KIAA0753: variants seen among roughly 807,000 people sequenced by gnomAD.
The protein encoded by KIAA0753 is protein moonraker.
In KIAA0753, 114 loss-of-function variants were observed where a neutral mutation model predicts 116.9. The observed-to-expected ratio is 0.98, with a 90% CI of 0.84 to 1.14. KIAA0753 has a LOEUF of 1.14. Ranked by LOEUF, KIAA0753 falls within the 50% of genes most tolerant of loss-of-function variation. The pLI, the probability that KIAA0753 is intolerant of heterozygous loss-of-function variation, is 0.00. For missense variants in KIAA0753, 1,156 were observed against 1,172.4 expected (o/e 0.99, Z 0.20); for synonymous variants, 405 against 413.1 (o/e 0.98, Z 0.24).
In KIAA0753 at chr17:6,612,154, T is replaced by G. The variant is rs772595463; in HGVS notation, c.1316-6A>C. The G allele has an allele frequency of 3.4e-5, 54 of 1,592,128 alleles. No individual in the cohort carries two copies. In the Middle Eastern group the frequency reaches 1.0e-3, roughly 30 times the overall value. On this transcript the variant is annotated splice_region_variant and splice_polypyrimidine_tract_variant and intron_variant, in intron 7 of 18. Coordinates refer to ENST00000361413, the MANE Select transcript of KIAA0753 (RefSeq NM_014804.3). ...CGTATCGGGCTGATACTTATCTACA[T>G]GGAAATTTTTGAAAAACAAACTGAG...
At chr17:6,620,409 G>T (rs1028331328) in intron 7 of KIAA0753, among the ~76,000 whole-genome samples, 2 of 130,110 alleles carry the variant, frequency 1.5e-5, no homozygotes, top group Admixed American at 1.6e-4. Flanking sequence ...TTTATCTGAG[G>T]AAAAAAAAAT....
intron 18 of KIAA0753, among the ~76,000 whole-genome samples, chr17:6,586,575 A>ACATAT (rs1443829319): frequency 2.0e-5 from 3 of 152,170 alleles, no homozygotes; most frequent in Admixed American, 6.5e-5. Context: ...TCTTGTAGTG[A>ACATAT]CATATAGTGG....
intron 14 of KIAA0753, among the ~76,000 whole-genome samples, chr17:6,597,744 T>C (rs1009940436): frequency 1.3e-5 from 2 of 152,238 alleles, no homozygotes. Flanking sequence ...ATCTTGCCTA[T>C]AAGTAAATCT....
chr17:6,632,623 G>T (rs1402193337), intron 2 of KIAA0753, among the ~76,000 whole-genome samples: 1 of 152,184 alleles, frequency 6.6e-6, no homozygotes. Flanking sequence ...AAGCAAAGGA[G>T]TAACTTTACA....
In KIAA0753 at chr17:6,628,351, A is replaced by T. The variant is rs767224280; in HGVS notation, c.484T>A (p.Ser162Thr). ...QAACQCSHQP[S>T]KVEISSSGAK... ...CCAGAGCTGGAGATTTCTACTTTGG[A>T]TGGCTGGTGGCTACACTGACAGGCT... Residue 162 changes from serine (S) to threonine (T), a missense_variant, in exon 3 of 19, where the codon TCC becomes ACC. Coordinates refer to ENST00000361413, the MANE Select transcript of KIAA0753 (RefSeq NM_014804.3). 1.9e-6 allele frequency: 3 copies of T among 1,614,142 alleles called. No individual in the cohort carries two copies. Among genetic ancestry groups the T allele is most frequent in the Non-Finnish European group, 2.5e-6 (3 of 1,180,018 alleles).
chr17:6,593,833 C>T (rs995247737), intron 16 of KIAA0753, among the ~76,000 whole-genome samples: 2 of 152,050 alleles, frequency 1.3e-5, no homozygotes, highest in African/African-American at 4.8e-5. Flanking sequence ...TGTGGTGAGC[C>T]GAGACTGCAC....
chr17:6,620,433 T>C (rs764800003), intron 7 of KIAA0753, among the ~76,000 whole-genome samples: 4 of 150,198 alleles, frequency 2.7e-5, no homozygotes, highest in East Asian at 3.9e-4. Context: ...TATATATATA[T>C]ACACATATAT....
chr17:6,607,190 T>G lies in KIAA0753; in HGVS notation c.1910A>C (p.Gln637Pro). The change falls in exon 11 of 19, where the codon CAA (glutamine) becomes CCA (proline). Residue 637 changes from glutamine (Q) to proline (P), a missense_variant. Transcript: ENST00000361413. The part of the protein sequence containing the change: ...ELKAKEIDSM[Q>P]KQRLDWLDAE... The stretch of plus-strand genomic sequence containing the variant: ...AGAAGCAAATATTTACCTCTGTTTT[T>G]GCATGCTGTCAATTTCCTTGGCTTT... 1.2e-6 allele frequency: 2 copies of G among 1,613,934 alleles called. No homozygotes were observed. The highest frequency in any genetic ancestry group is 1.7e-6 in the Non-Finnish European group (2 of 1,179,768).
chr17:6,613,108 A>G (rs1970663726), intron 7 of KIAA0753, among the ~76,000 whole-genome samples: 1 of 152,196 alleles, frequency 6.6e-6, no homozygotes, highest in African/African-American at 2.4e-5. Flanking sequence ...GTTTCTGAAT[A>G]TAAGAAGACG....
chr17:6,604,636 C>A (rs1970077656), intron 12 of KIAA0753, among the ~76,000 whole-genome samples: 2 of 151,738 alleles, frequency 1.3e-5, no homozygotes, highest in Admixed American at 1.3e-4. Flanking sequence ...AGATATTTAG[C>A]CAAGCAGTGA....
chr17:6,618,403 G>A (rs188068042), intron 7 of KIAA0753, among the ~76,000 whole-genome samples: 27 of 152,326 alleles, frequency 1.8e-4, no homozygotes, highest in Admixed American at 3.9e-4. Context: ...ATAGCCTGTC[G>A]CTCAGAAGCA....
In KIAA0753 at chr17:6,623,498, T is replaced by C. The variant is rs774448400; in HGVS notation, c.888+11A>G. 10 of 1,582,896 alleles carry C rather than the reference T, an allele frequency of 6.3e-6. No homozygotes were observed. The highest frequency in any genetic ancestry group is 7.8e-6 in the Non-Finnish European group (9 of 1,156,254). On this transcript the variant is annotated intron_variant, in intron 5 of 18. Coordinates refer to ENST00000361413, the MANE Select transcript of KIAA0753 (RefSeq NM_014804.3). ...TAAGCAAGTATTGATCATAATTTAA[T>C]TGCAGCATACCTTCTTAGTGTGTTT...
At position 6,628,592 on chromosome 17, in the gene KIAA0753, A is replaced by G; in HGVS notation, c.243T>C (p.Pro81=). 1 of 1,614,222 alleles carries G rather than the reference A, an allele frequency of 6.2e-7. No individual in the cohort carries two copies. ...AAAATGAAACAGAACTGCCCAGGTC[A>G]GGACCAACTCTACAATCTGCATCTT... is the stretch of plus-strand genomic sequence containing the variant. ...HCKDADCRVG[P]DLGSSVSFSV... is the part of the protein sequence containing the mutation. The change falls in exon 3 of 19, where the codon CCT becomes CCC. Residue 81 remains proline (P), a synonymous_variant. Transcript: ENST00000361413.
intron 18 of KIAA0753, among the ~76,000 whole-genome samples, chr17:6,586,733 T>C (rs1304215940): frequency 1.3e-5 from 2 of 152,210 alleles, no homozygotes; most frequent in Non-Finnish European, 2.9e-5. Flanking sequence ...TTCATATCAC[T>C]CTTTTATTTG....
At chr17:6,629,919 G>A (rs1971917484) in intron 2 of KIAA0753, among the ~76,000 whole-genome samples, 1 of 152,176 alleles carries the variant, frequency 6.6e-6, no homozygotes, top group African/African-American at 2.4e-5. Flanking sequence ...AGGAGTTTGA[G>A]ACCAGCTTGG....
chr17:6,583,873 T>C (rs1285721278), intron 18 of KIAA0753, among the ~76,000 whole-genome samples: 1 of 152,234 alleles, frequency 6.6e-6, no homozygotes, highest in Non-Finnish European at 1.5e-5. Context: ...TTTTTCACCA[T>C]ATACTAGACA....
chr17:6,614,963 T>TA (rs1970785185), intron 7 of KIAA0753, among the ~76,000 whole-genome samples: 2 of 152,168 alleles, frequency 1.3e-5, no homozygotes. Context: ...CACGCCCAGC[T>TA]AATTTTTGTA....
At position 6,640,692 on chromosome 17, in the gene KIAA0753, G is replaced by C. The variant is rs927753868; in HGVS notation, c.-124C>G. 1 of 159,822 alleles carries C rather than the reference G, an allele frequency of 6.3e-6. No homozygotes were observed. Among genetic ancestry groups the C allele is most frequent in the African/African-American group, 2.4e-5 (1 of 41,666 alleles). The allele number at this position is 159,822 out of a possible 1,614,324, so 9.9% of individuals were successfully genotyped here. The stretch of plus-strand genomic sequence containing the variant: ...GGCGGGCAACGGGGGCCCCCAACAA[G>C]GCCGCGCTTCCGGCCGCCTGCCCAG... On this transcript the variant is annotated 5_prime_UTR_variant, in exon 1 of 19. Coordinates refer to ENST00000361413, the MANE Select transcript of KIAA0753 (RefSeq NM_014804.3).
At position 6,639,754 on chromosome 17, in the gene KIAA0753, A is replaced by T. The variant is rs1358015124; in HGVS notation, c.-69+883T>A. The T allele has an allele frequency of 6.6e-6, 1 of 152,108 alleles. No individual in the cohort carries two copies. Among genetic ancestry groups the T allele is most frequent in the African/African-American group, 2.4e-5 (1 of 41,180 alleles). The allele number at this position is 152,108 out of a possible 1,614,324, so 9.4% of individuals were successfully genotyped here. A position where few individuals can be genotyped will look rare whatever the true frequency, so the allele number is the denominator to read the frequency against. ...TCCTGCAGGCACGGGATGGAGCTCG[A>T]CTCTACTTCCTTCCCCACATCCCGA... On this transcript the variant is annotated intron_variant, in intron 1 of 18. Transcript: ENST00000361413. The surrounding 1 kb of genome is among the most constrained non-coding windows in gnomAD (Gnocchi z 4.3).
Sources: gnomAD v4.1 joint callset for allele counts (sites outside exome capture counted in the v4.1 genomes callset) on GRCh38, gnomAD v4.1.1 for gene constraint, Gnocchi (gnomAD v3.1) non-coding constraint, MANE v1.5 for transcripts, NCBI Gene and HGNC (gene_info 2026-07-23, HGNC 2026-07-21) for gene names.